The following PSMB2 variants were observed in gnomAD, a reference collection of about 807,000 sequenced individuals.
The protein encoded by PSMB2 is proteasome 20S subunit beta 2, also known as proteasome subunit beta type-2.
Under a neutral mutation model 25.7 loss-of-function variants are expected in PSMB2, and 13 were observed. That is an observed-to-expected ratio of 0.51 (90% CI 0.33 to 0.80). The LOEUF (loss-of-function observed/expected upper bound fraction) is 0.80, where lower values mean the gene tolerates loss of function less well. Among genes scored for constraint, PSMB2 ranks in the 30% least tolerant of loss-of-function variants. PSMB2 has a pLI of 0.02. For synonymous variants in PSMB2, 87 were observed against 96.2 expected (o/e 0.90, Z 0.56); for missense variants, 202 against 259.0 (o/e 0.78, Z 1.51).
chr1:35,602,038 A>G lies in PSMB2; in HGVS notation c.*1229T>C. 1 of 721,216 alleles carries G rather than the reference A, an allele frequency of 1.4e-6. No individual in the cohort carries two copies. Among genetic ancestry groups the G allele is most frequent in the Admixed American group, 6.3e-5 (1 of 15,948 alleles). 44.7% of individuals were successfully genotyped at this position (721,216 alleles called of 1,614,324 possible). On this transcript the variant is annotated 3_prime_UTR_variant, in exon 6 of 6. Transcript: ENST00000373237. ...GTGAAATAAGCAATATGCAGAACTT[A>G]AAAATACTTTTTAGCCGGGCACGGT...
At chr1:35,624,844 C>T (rs1054288961) in intron 3 of PSMB2, among the ~76,000 whole-genome samples, 8 of 151,834 alleles carry the variant, frequency 5.3e-5, no homozygotes, top group Middle Eastern at 6.8e-3. Context: ...GGGTGGATCA[C>T]GAGGTCAGGA....
In PSMB2 at chr1:35,623,733, G is replaced by T. The variant is rs559659190; in HGVS notation, c.285+7541C>A. Among the ~76,000 whole-genome samples, 13 of 152,366 alleles carry T rather than the reference G, an allele frequency of 8.5e-5. No homozygotes were observed. In the South Asian group the frequency reaches 2.3e-3, roughly 27 times the overall value. On this transcript the variant is annotated intron_variant, in intron 3 of 5. Coordinates refer to ENST00000373237, the MANE Select transcript of PSMB2 (RefSeq NM_002794.5). ...GTAGAGAAGATGAGGCCTCAAGGGA[G>T]ATGGCACATGGAGGAAGAAGGCAGT...
chr1:35,603,344 T>C lies in PSMB2; in HGVS notation c.529A>G (p.Thr177Ala). The C allele has an allele frequency of 6.2e-7, 1 of 1,614,128 alleles. No individual in the cohort carries two copies. The highest frequency in any genetic ancestry group is 1.1e-5 in the South Asian group (1 of 91,080). ...TTGTCAATGATTCGAACACTGAAGG[T>C]TGGCAGATTCAGGATGAAGCGTTTC... ...LQKRFILNLP[T>A]FSVRIIDKNG... Residue 177 changes from threonine (T) to alanine (A), a missense_variant, in exon 6 of 6, where the codon ACC becomes GCC. Transcript: ENST00000373237.
chr1:35,640,908 C>G (rs1651373357), intron 1 of PSMB2, among the ~76,000 whole-genome samples: 1 of 152,154 alleles, frequency 6.6e-6, no homozygotes, highest in African/African-American at 2.4e-5. Flanking sequence ...TGCCAAGGTC[C>G]CAGACCTGTC....
Position 35,631,289 on chromosome 1 carries a change from G to A in PSMB2, c.270C>T (p.Asp90=), listed in dbSNP as rs1226376672. The part of the protein sequence containing the change: ...AANFTRRNLA[D]CLRSRTPYHV... ...TATTACTTACCCGACTCCGAAGACA[G>A]TCAGCCAGGTTTCGGCGTGTGAAGT... Residue 90 remains aspartate (D), a synonymous_variant, in exon 3 of 6, where the codon GAC becomes GAT. Coordinates refer to ENST00000373237, the MANE Select transcript of PSMB2 (RefSeq NM_002794.5). The A allele has an allele frequency of 3.1e-6, 5 of 1,614,136 alleles. No homozygotes were observed. Among genetic ancestry groups the A allele is most frequent in the Non-Finnish European group, 4.2e-6 (5 of 1,179,962 alleles).
Position 35,603,349 on chromosome 1 carries a change from A to G in PSMB2, c.524T>C (p.Leu175Pro). 1 of 1,614,192 alleles carries G rather than the reference A, an allele frequency of 6.2e-7. No individual in the cohort carries two copies. The highest frequency in any genetic ancestry group is 8.5e-7 in the Non-Finnish European group (1 of 1,180,016). Residue 175 changes from leucine to proline, a missense_variant, in exon 6 of 6, where the codon CTG becomes CCG. Leu to Pro is a moderately conservative substitution (Grantham distance 98, BLOSUM62 -3). Coordinates refer to ENST00000373237, the MANE Select transcript of PSMB2 (RefSeq NM_002794.5). ...EELQKRFILN[L>P]PTFSVRIIDK... ...AATGATTCGAACACTGAAGGTTGGCAGATTCAGGATGAAGCGTTTCTGGAG... is the reference window on the plus strand; with the variant it reads ...AATGATTCGAACACTGAAGGTTGGCGGATTCAGGATGAAGCGTTTCTGGAG...
intron 3 of PSMB2, 104 bp downstream of exon 3, chr1:35,631,170 G>T: frequency 1.7e-6 from 2 of 1,145,178 alleles, no homozygotes; most frequent in Non-Finnish European, 2.6e-6. Context: ...AGGGGTTCTG[G>T]AAGGCCAAAA....
At chr1:35,612,458 C>T (rs531208715) in intron 3 of PSMB2, among the ~76,000 whole-genome samples, 81 of 152,242 alleles carry the variant, frequency 5.3e-4, no homozygotes, top group Non-Finnish European at 7.4e-4. Flanking sequence ...TTTTTGAAAG[C>T]TTATCACTTT....
chr1:35,600,125 G>A lies in PSMB2; in HGVS notation c.*3142C>T. On this transcript the variant is annotated 3_prime_UTR_variant, in exon 6 of 6. Transcript: ENST00000373237. The stretch of plus-strand genomic sequence containing the variant: ...GCCACTGTACTCCAGCCTAGGTGAT[G>A]GAGCAAGACCCTGTCTCTGAAAAAC... The A allele has an allele frequency of 1.1e-6, 1 of 947,584 alleles. No homozygotes were observed. Among genetic ancestry groups the A allele is most frequent in the Non-Finnish European group, 1.3e-6 (1 of 795,718 alleles). The allele number at this position is 947,584 out of a possible 1,614,324, so 58.7% of individuals were successfully genotyped here. A position where few individuals can be genotyped will look rare whatever the true frequency, so the allele number is the denominator to read the frequency against.
chr1:35,602,065 G>T lies in PSMB2; in HGVS notation c.*1202C>A. The T allele has an allele frequency of 1.9e-6, 1 of 525,366 alleles. No individual in the cohort carries two copies. Among genetic ancestry groups the T allele is most frequent in the Non-Finnish European group, 2.4e-6 (1 of 410,148 alleles). 32.5% of individuals were successfully genotyped at this position (525,366 alleles called of 1,614,324 possible). On this transcript the variant is annotated 3_prime_UTR_variant, in exon 6 of 6. Coordinates refer to ENST00000373237, the MANE Select transcript of PSMB2 (RefSeq NM_002794.5). ...AAATACTTTTTAGCCGGGCACGGTG[G>T]CTCACGCCTGTAATCCCAGCACTGG...
intron 4 of PSMB2, 102 bp from the exon 5 acceptor site, chr1:35,605,384 T>G (rs1420468595): frequency 1.3e-5 from 15 of 1,169,336 alleles, no homozygotes; most frequent in Non-Finnish European, 1.8e-5. Flanking sequence ...CAGGTCTCAG[T>G]GCCACACAAA....
intron 1 of PSMB2, among the ~76,000 whole-genome samples, chr1:35,640,512 A>C (rs929317232): frequency 9.9e-5 from 15 of 152,218 alleles, no homozygotes; most frequent in Admixed American, 9.8e-4. Flanking sequence ...GGAAAACTGG[A>C]AAAGAAGAAT....
At chr1:35,628,619 ATATATATATATATTT>A (rs1363770206) in intron 3 of PSMB2, among the ~76,000 whole-genome samples, 3 of 48,286 alleles carry the variant, frequency 6.2e-5, no homozygotes, top group Admixed American at 3.2e-4. Flanking sequence ...ATATATATAT[ATATATATATATATTT>A]TTTTTTTTTT....
chr1:35,600,206 TTGG>T lies in PSMB2; in HGVS notation c.*3058_*3060del. On this transcript the variant is annotated 3_prime_UTR_variant, in exon 6 of 6. Transcript: ENST00000373237. ...ATTTAGGATGTAGAAATGCCAGAAC[TTGG>T]TGGCCATGTAGAGACAGGAGATAAA... is the stretch of plus-strand genomic sequence containing the variant. The T allele has an allele frequency of 2.0e-6, 2 of 985,334 alleles. No homozygotes were observed. Among genetic ancestry groups the T allele is most frequent in the Non-Finnish European group, 2.4e-6 (2 of 829,878 alleles). The allele number at this position is 985,334 out of a possible 1,614,324, so 61.0% of individuals were successfully genotyped here. A position where few individuals can be genotyped will look rare whatever the true frequency, so the allele number is the denominator to read the frequency against.
Position 35,600,608 on chromosome 1 carries a change from G to A in PSMB2, c.*2659C>T. 1 of 985,458 alleles carries A rather than the reference G, an allele frequency of 1.0e-6. No homozygotes were observed. Among genetic ancestry groups the A allele is most frequent in the Non-Finnish European group, 1.2e-6 (1 of 829,926 alleles). 61.0% of individuals were successfully genotyped at this position (985,458 alleles called of 1,614,324 possible). ...CAGAATGTCATAGAGGCGGTTTGGA[G>A]AGGGGCAGATGGTAAGGCTCAGCTT... On this transcript the variant is annotated 3_prime_UTR_variant, in exon 6 of 6. Transcript: ENST00000373237.
intron 1 of PSMB2, 58 bp downstream of exon 1, chr1:35,641,284 C>T: frequency 2.5e-6 from 4 of 1,605,022 alleles, no homozygotes; most frequent in Non-Finnish European, 2.6e-6. Context: ...CCCCGACAAA[C>T]TCCTTCTGGC....
intron 2 of PSMB2, among the ~76,000 whole-genome samples, chr1:35,634,143 T>C (rs566997078): frequency 6.6e-6 from 1 of 152,326 alleles, no homozygotes; most frequent in Non-Finnish European, 1.5e-5. Context: ...ATTATCTCTC[T>C]AGAAGGAAAC....
intron 3 of PSMB2, among the ~76,000 whole-genome samples, chr1:35,617,938 C>A (rs1427565015): frequency 6.6e-6 from 1 of 152,122 alleles, no homozygotes; most frequent in Non-Finnish European, 1.5e-5. Flanking sequence ...TTAATTGGTG[C>A]CAAGGAACCC....
At chr1:35,610,667 C>T (rs1376702197) in intron 3 of PSMB2, among the ~76,000 whole-genome samples, 6 of 151,928 alleles carry the variant, frequency 3.9e-5, no homozygotes, top group Non-Finnish European at 8.8e-5. Flanking sequence ...GGCTAATTTT[C>T]GTATTTTTAG....
Sources: gnomAD v4.1 joint callset for allele counts (sites outside exome capture counted in the v4.1 genomes callset) on GRCh38, gnomAD v4.1.1 for gene constraint, MANE v1.5 for transcripts, NCBI Gene and HGNC (gene_info 2026-07-23, HGNC 2026-07-21) for gene names.